CNTN5: variants seen among roughly 807,000 people sequenced by gnomAD.
The protein encoded by CNTN5 is contactin-5.
Under a neutral mutation model 129.1 loss-of-function variants are expected in CNTN5, and 77 were observed. The ratio of observed to expected loss-of-function variants is 0.60; its 90% CI spans 0.50 to 0.72. The LOEUF (loss-of-function observed/expected upper bound fraction) is 0.72. CNTN5 is among the 30% of genes least tolerant of loss of function. CNTN5 has a pLI of 0.00. For missense variants in CNTN5, 1,478 were observed against 1,328.8 expected, an observed-to-expected ratio of 1.11 and a Z score of -1.75; for synonymous variants, 509 against 465.6, an observed-to-expected ratio of 1.09 and a Z score of -1.20.
intron 4 of CNTN5, among the ~76,000 whole-genome samples, chr11:99,833,748 G>T (rs56210760): frequency 0.24 from 35,812 of 152,058 alleles, 4,797 homozygotes; most frequent in Non-Finnish European, 0.32. Flanking sequence ...ATTTATAATA[G>T]AACTTGATCA....
At chr11:99,124,467 C>A (rs1591234013) in intron 1 of CNTN5, among the ~76,000 whole-genome samples, 1 of 151,876 alleles carries the variant, frequency 6.6e-6, no homozygotes, top group East Asian at 1.9e-4. Flanking sequence ...ATCATAACAT[C>A]TACAAACAGG....
intron 2 of CNTN5, among the ~76,000 whole-genome samples, chr11:99,535,171 A>T (rs1947855814): frequency 6.6e-6 from 1 of 152,320 alleles, no homozygotes; most frequent in Middle Eastern, 3.4e-3. Context: ...AGTGTAAAAA[A>T]CAAACTGGAG....
At chr11:99,628,317 C>T (rs1951204668) in intron 3 of CNTN5, among the ~76,000 whole-genome samples, 1 of 151,884 alleles carries the variant, frequency 6.6e-6, no homozygotes, top group Non-Finnish European at 1.5e-5. Flanking sequence ...ACAACACTGC[C>T]TAAAAGGAAA....
intron 2 of CNTN5, among the ~76,000 whole-genome samples, chr11:99,342,968 AAAAAC>A (rs565338335): frequency 8.9e-4 from 135 of 152,290 alleles, no homozygotes; most frequent in African/African-American, 2.6e-3. Context: ...ATACAAAACA[AAAAAC>A]AAAACAAAAC....
chr11:100,037,932 T>C (rs933836702), intron 9 of CNTN5, among the ~76,000 whole-genome samples: 7 of 152,204 alleles, frequency 4.6e-5, no homozygotes, highest in African/African-American at 7.2e-5. Context: ...CCTGGATTCA[T>C]TGATTTTTTG....
intron 3 of CNTN5, among the ~76,000 whole-genome samples, chr11:99,586,132 G>A (rs1042327504): frequency 6.6e-6 from 1 of 151,868 alleles, no homozygotes; most frequent in Non-Finnish European, 1.5e-5. Flanking sequence ...ATTTCTTTCT[G>A]GTTTCTGTGC....
intron 9 of CNTN5, among the ~76,000 whole-genome samples, chr11:100,012,874 G>C (rs1333362126): frequency 6.6e-6 from 1 of 152,102 alleles, no homozygotes; most frequent in African/African-American, 2.4e-5. Context: ...GATTAGTTTA[G>C]ACTTATCCAA....
chr11:99,764,566 A>T (rs2845952), intron 3 of CNTN5, among the ~76,000 whole-genome samples: 1 of 151,648 alleles, frequency 6.6e-6, no homozygotes, highest in African/African-American at 2.4e-5. Flanking sequence ...ATAGGCATGC[A>T]CCACCATACC....
chr11:100,330,440 C>G (rs1348046150), intron 21 of CNTN5, among the ~76,000 whole-genome samples: 1 of 152,112 alleles, frequency 6.6e-6, no homozygotes, highest in Non-Finnish European at 1.5e-5. Flanking sequence ...CCAAGCATTC[C>G]TAGAACTCTA....
chr11:100,111,295 A>C (rs1714475000), intron 13 of CNTN5, among the ~76,000 whole-genome samples: 1 of 152,192 alleles, frequency 6.6e-6, no homozygotes, highest in Admixed American at 6.5e-5. Flanking sequence ...TCCAGTTACC[A>C]ATTCACTTTA....
chr11:99,675,687 A>C (rs1953248603), intron 3 of CNTN5, among the ~76,000 whole-genome samples: 1 of 152,134 alleles, frequency 6.6e-6, no homozygotes, highest in Admixed American at 6.6e-5. Context: ...CTCTGTCTCA[A>C]ATAAAAAATT....
intron 7 of CNTN5, among the ~76,000 whole-genome samples, chr11:99,954,640 C>G (rs1389757315): frequency 6.6e-6 from 1 of 151,948 alleles, no homozygotes; most frequent in South Asian, 2.1e-4. Context: ...TTTATGATTA[C>G]TTTGAAGGCA....
At chr11:99,692,773 T>C (rs995948378) in intron 3 of CNTN5, among the ~76,000 whole-genome samples, 6 of 152,192 alleles carry the variant, frequency 3.9e-5, no homozygotes, top group African/African-American at 1.4e-4. Flanking sequence ...GTTCCTATAG[T>C]AAAGGAGAAT....
At chr11:99,098,959 G>T (rs1301415044) in intron 1 of CNTN5, among the ~76,000 whole-genome samples, 2 of 152,006 alleles carry the variant, frequency 1.3e-5, no homozygotes, top group African/African-American at 2.4e-5. Context: ...CATTATTTTT[G>T]AAATCTATTT....
At chr11:99,768,094 C>T (rs1370852170) in intron 3 of CNTN5, among the ~76,000 whole-genome samples, 1 of 151,994 alleles carries the variant, frequency 6.6e-6, no homozygotes, top group Non-Finnish European at 1.5e-5. Context: ...TGACAGAGAC[C>T]ATATGGACCA....
intron 1 of CNTN5, among the ~76,000 whole-genome samples, chr11:99,103,375 T>C (rs1270285048): frequency 2.0e-5 from 3 of 152,230 alleles, no homozygotes; most frequent in Non-Finnish European, 4.4e-5. Context: ...CATTCTCTTC[T>C]CACCCCTATG....
chr11:99,392,191 T>C (rs909165349), intron 2 of CNTN5, among the ~76,000 whole-genome samples: 5 of 151,442 alleles, frequency 3.3e-5, no homozygotes, highest in African/African-American at 1.2e-4. Context: ...CATGGCAGTA[T>C]TTGTACTCAA....
intron 6 of CNTN5, among the ~76,000 whole-genome samples, chr11:99,848,199 G>C (rs541236511): frequency 3.9e-5 from 6 of 152,144 alleles, no homozygotes; most frequent in Non-Finnish European, 7.4e-5. Context: ...GACAAAGCGA[G>C]ACTCCTTCTC....
chr11:99,424,995 G>A (rs919624895), intron 2 of CNTN5, among the ~76,000 whole-genome samples: 3 of 152,156 alleles, frequency 2.0e-5, no homozygotes, highest in Non-Finnish European at 4.4e-5. Flanking sequence ...TCTTAGCAGA[G>A]AGGAAACCCA....
Sources: allele counts gnomAD v4.1 joint callset (sites outside exome capture counted in the v4.1 genomes callset), GRCh38; gene constraint gnomAD v4.1.1; transcripts MANE v1.5; gene names NCBI Gene and HGNC (gene_info 2026-07-23, HGNC 2026-07-21).